SMARCA2: variants seen among roughly 807,000 people sequenced by gnomAD.
SMARCA2 encodes the protein SWI/SNF-related matrix-associated actin-dependent regulator of chromatin subfamily A member 2.
A neutral mutation model predicts 199.8 loss-of-function variants in SMARCA2; 61 were observed. The observed-to-expected ratio is 0.31, with a 90% CI of 0.25 to 0.38. The LOEUF is 0.38. Ranked by LOEUF, SMARCA2 falls within the 10% of genes least tolerant of loss-of-function variation. The pLI is 1.00. For missense variants in SMARCA2, 1,344 were observed against 2,012.2 expected, an observed-to-expected ratio of 0.67 and a Z score of 6.35; for synonymous variants, 935 against 732.0, an observed-to-expected ratio of 1.28 and a Z score of -4.48.
At chr9:2,076,178 A>G in intron 12 of SMARCA2, 51 bp from the exon 13 acceptor site, 1 of 989,270 alleles carries the variant, frequency 1.0e-6, no homozygotes, top group Non-Finnish European at 1.6e-6. Flanking sequence ...TCAATCATAG[A>G]GATTTCCTTG....
chr9:2,166,797 G>A (rs1412735846), intron 28 of SMARCA2, among the ~76,000 whole-genome samples: 1 of 152,080 alleles, frequency 6.6e-6, no homozygotes, highest in Non-Finnish European at 1.5e-5. Flanking sequence ...AACTCATATA[G>A]CCATGCTCTC....
intron 12 of SMARCA2, 50 bp downstream of exon 12, chr9:2,073,673 G>T: frequency 7.1e-7 from 1 of 1,402,136 alleles, no homozygotes; most frequent in South Asian, 1.2e-5. Flanking sequence ...GTTATCAGAG[G>T]AAGAAATTCT....
chr9:2,105,780 T>G (rs1822728234), intron 23 of SMARCA2, among the ~76,000 whole-genome samples: 1 of 152,130 alleles, frequency 6.6e-6, no homozygotes, highest in African/African-American at 2.4e-5. Flanking sequence ...TGAGGGGCTG[T>G]GGGGTTGTGG....
At position 2,077,619 on chromosome 9, in the gene SMARCA2, C is replaced by G; in HGVS notation, c.2037-10C>G. On this transcript the variant is annotated splice_polypyrimidine_tract_variant and intron_variant, in intron 13 of 33. Coordinates refer to ENST00000349721, the MANE Select transcript of SMARCA2 (RefSeq NM_003070.5). ...GTCTGTGTGTGATTCTCCACTTTTTCCTTTCCCAGGACAGCTAAGCAAGAC... is the reference window on the plus strand; with the variant it reads ...GTCTGTGTGTGATTCTCCACTTTTTGCTTTCCCAGGACAGCTAAGCAAGAC... The G allele has an allele frequency of 6.2e-7, 1 of 1,610,416 alleles. No individual in the cohort carries two copies. Among genetic ancestry groups the G allele is most frequent in the South Asian group, 1.1e-5 (1 of 90,628 alleles).
At chr9:2,071,770 AT>A (rs1563748670) in intron 10 of SMARCA2, among the ~76,000 whole-genome samples, 11 of 152,370 alleles carry the variant, frequency 7.2e-5, no homozygotes, top group Non-Finnish European at 1.2e-4. Context: ...AAGCTGTATT[AT>A]AATGGTTCAT....
At position 2,193,001 on chromosome 9, in the gene SMARCA2, AT is replaced by A. The variant is rs991831500; in HGVS notation, c.*263del. On this transcript the variant is annotated 3_prime_UTR_variant, in exon 34 of 34. Coordinates refer to ENST00000349721, the MANE Select transcript of SMARCA2 (RefSeq NM_003070.5). Reference sequence around the variant, plus strand: ...AAACAAAAAGCTTTTGATGGAAAATATGTGGGTGGATAGTATATTTCTATGG... The same window carrying A: ...AAACAAAAAGCTTTTGATGGAAAATAGTGGGTGGATAGTATATTTCTATGG... 2.3e-6 allele frequency: 1 copy of A among 443,548 alleles called. No individual in the cohort carries two copies. The highest frequency in any genetic ancestry group is 4.0e-6 in the Non-Finnish European group (1 of 251,308). The allele number at this position is 443,548 out of a possible 1,614,324, so 27.5% of individuals were successfully genotyped here. A position where few individuals can be genotyped will look rare whatever the true frequency, so the allele number is the denominator to read the frequency against.
intron 19 of SMARCA2, among the ~76,000 whole-genome samples, chr9:2,095,642 T>C (rs1822244943): frequency 6.6e-6 from 1 of 152,218 alleles, no homozygotes; most frequent in Non-Finnish European, 1.5e-5. Flanking sequence ...CCAGAAACTA[T>C]TAATTGTGCT....
rs1823335846 is a variant in SMARCA2 at position 2,119,008 on chromosome 9, T to C, written c.3685-450T>C. Among the ~76,000 whole-genome samples, 1 of 152,222 alleles carries C rather than the reference T, an allele frequency of 6.6e-6. No homozygotes were observed. Among genetic ancestry groups the C allele is most frequent in the Admixed American group, 6.5e-5 (1 of 15,280 alleles). ...ACAAGGTTTCACATACTTATGTCTTTTGTAAGGATTTGAAAATAAGCATTT... is the reference window on the plus strand; with the variant it reads ...ACAAGGTTTCACATACTTATGTCTTCTGTAAGGATTTGAAAATAAGCATTT... On this transcript the variant is annotated intron_variant, in intron 25 of 33. Coordinates refer to ENST00000349721, the MANE Select transcript of SMARCA2 (RefSeq NM_003070.5). This position sits in a 1 kb window ranked among gnomAD's most constrained non-coding sequence, Gnocchi z 4.6.
At chr9:2,040,151 T>C in intron 4 of SMARCA2, 2 of 741,176 alleles carry the variant, frequency 2.7e-6, no homozygotes, top group Non-Finnish European at 4.3e-6. Flanking sequence ...AAAGCACCTG[T>C]GATTTTGCGT....
chr9:2,171,031 T>G (rs758517564), intron 29 of SMARCA2, among the ~76,000 whole-genome samples: 1 of 152,222 alleles, frequency 6.6e-6, no homozygotes, highest in African/African-American at 2.4e-5. Context: ...CTGTTGTGTG[T>G]AGTCCCAAGC....
At chr9:2,046,408 A>G (rs966298521) in intron 4 of SMARCA2, among the ~76,000 whole-genome samples, 2 of 152,246 alleles carry the variant, frequency 1.3e-5, no homozygotes, top group African/African-American at 4.8e-5. Flanking sequence ...TGCTCCCTTG[A>G]ATCCTAATAT....
At chr9:2,081,198 G>A (rs975569575) in intron 14 of SMARCA2, among the ~76,000 whole-genome samples, 2 of 152,158 alleles carry the variant, frequency 1.3e-5, no homozygotes, top group African/African-American at 4.8e-5. Context: ...TGTACTTAAC[G>A]TGGGGAATCT....
intron 9 of SMARCA2, among the ~76,000 whole-genome samples, chr9:2,068,254 C>G (rs909107701): frequency 2.0e-5 from 3 of 152,182 alleles, no homozygotes; most frequent in African/African-American, 7.2e-5. Flanking sequence ...CTCTTTGAAG[C>G]TGATCATTTC....
chr9:2,171,789 G>C (rs12003715), intron 29 of SMARCA2, among the ~76,000 whole-genome samples: 2,509 of 152,266 alleles, frequency 0.016, 68 homozygotes, highest in African/African-American at 0.056. Flanking sequence ...GATGTAAGCT[G>C]AATGCCCTGC....
chr9:2,111,711 T>A (rs1036494875), intron 24 of SMARCA2, among the ~76,000 whole-genome samples: 16 of 152,072 alleles, frequency 1.1e-4, no homozygotes, highest in Non-Finnish European at 1.8e-4. Flanking sequence ...AGGGAGCTTT[T>A]AAAAAATATG....
At chr9:2,054,213 G>A (rs753485376) in intron 5 of SMARCA2, among the ~76,000 whole-genome samples, 5 of 152,322 alleles carry the variant, frequency 3.3e-5, no homozygotes, top group Non-Finnish European at 5.9e-5. Flanking sequence ...AAAAAAGTCT[G>A]TGCTCTCAGC....
At chr9:2,153,071 A>G (rs1040774928) in intron 27 of SMARCA2, among the ~76,000 whole-genome samples, 4 of 152,112 alleles carry the variant, frequency 2.6e-5, no homozygotes, top group African/African-American at 9.7e-5. Flanking sequence ...AACAACCAAA[A>G]AAACAAAGTC....
intron 27 of SMARCA2, among the ~76,000 whole-genome samples, chr9:2,140,917 T>A (rs1336430013): frequency 6.6e-6 from 1 of 152,138 alleles, no homozygotes; most frequent in Non-Finnish European, 1.5e-5. Flanking sequence ...GACTTTTTTT[T>A]TTAAGGGCCA....
intron 27 of SMARCA2, among the ~76,000 whole-genome samples, chr9:2,153,810 C>CTGTG (rs148574286): frequency 1.3e-5 from 2 of 150,440 alleles, no homozygotes; most frequent in Non-Finnish European, 3.0e-5. Flanking sequence ...CTATGCAAAG[C>CTGTG]TGTGTGTGTG....
Sources: allele counts gnomAD v4.1 joint callset (sites outside exome capture counted in the v4.1 genomes callset), GRCh38; gene constraint gnomAD v4.1.1; non-coding constraint Gnocchi (gnomAD v3.1); transcripts MANE v1.5; gene names NCBI Gene and HGNC (gene_info 2026-07-23, HGNC 2026-07-21).